The following PACSIN3 variants were observed in gnomAD, a reference collection of about 807,000 sequenced individuals.
The protein encoded by PACSIN3 is protein kinase C and casein kinase substrate in neurons protein 3.
Under a neutral mutation model 56.1 loss-of-function variants are expected in PACSIN3, and 34 were observed. That is an observed-to-expected ratio of 0.61 (90% CI 0.46 to 0.81). The LOEUF is 0.81. Among genes scored for constraint, PACSIN3 ranks in the 30% least tolerant of loss-of-function variants. The pLI is 0.00. For synonymous variants in PACSIN3, 218 were observed against 229.8 expected (o/e 0.95, Z 0.46); for missense variants, 535 against 592.4 (o/e 0.90, Z 1.01).
rs765808197 is a variant in PACSIN3, at chr11:47,182,467, G to A, written c.147C>T (p.Ile49=). 1.0e-5 allele frequency: 16 copies of A among 1,606,788 alleles called. No homozygotes were observed. Among genetic ancestry groups the A allele is most frequent in the South Asian group, 6.6e-5 (6 of 91,072 alleles). ...CCAACTGCTGGGCATAAGCCTTCTC[G>A]ATGCGGGCGCGCTCCTGGAAGCAGC... ...LVSCFQERAR[I]EKAYAQQLAD... is the part of the protein sequence containing the mutation. Residue 49 remains isoleucine, a synonymous_variant, in exon 4 of 11, where the codon ATC becomes ATT. Transcript: ENST00000298838.
rs890051685 is a variant in PACSIN3 at position 47,183,087 on chromosome 11, C to T, written c.-103-18G>A. 1.4e-5 allele frequency: 3 copies of T among 215,072 alleles called. No individual in the cohort carries two copies. The highest frequency in any genetic ancestry group is 1.3e-4 in the South Asian group (1 of 7,740). The allele number at this position is 215,072 out of a possible 1,614,324, so 13.3% of individuals were successfully genotyped here. A position where few individuals can be genotyped will look rare whatever the true frequency, so the allele number is the denominator to read the frequency against. ...GACTCTGCCTTGAAGGAGAACAGAGCGGGGGTGAGGGTGGGGGCCTAGAGC... is the reference window on the plus strand; with the variant it reads ...GACTCTGCCTTGAAGGAGAACAGAGTGGGGGTGAGGGTGGGGGCCTAGAGC... On this transcript the variant is annotated intron_variant, in intron 1 of 10. Transcript: ENST00000298838.
At position 47,178,036 on chromosome 11, in the gene PACSIN3, C is replaced by G. The variant is rs1230536635; in HGVS notation, c.1170G>C (p.Leu390=). 6 of 1,613,620 alleles carry G rather than the reference C, an allele frequency of 3.7e-6. No homozygotes were observed. The highest frequency in any genetic ancestry group is 5.1e-6 in the Non-Finnish European group (6 of 1,179,670). Residue 390 remains leucine, a synonymous_variant, in exon 11 of 11, where the codon CTG becomes CTC. Transcript: ENST00000298838. This position sits in a 1 kb window ranked among gnomAD's most constrained non-coding sequence, Gnocchi z 4.2. The stretch of plus-strand genomic sequence containing the variant: ...GCTCGTCCTCCTCACTCATCTTCAG[C>G]AGCTCCTCCCCTGGGGGAAAGGGGA... ...DELSFRAGEE[L]LKMSEEDEQG...
chr11:47,177,522 T>TG lies in PACSIN3; in HGVS notation c.*408dup, dbSNP rs1952900675. 2 of 191,872 alleles carry TG rather than the reference T, an allele frequency of 1.0e-5. No individual in the cohort carries two copies. Among genetic ancestry groups the TG allele is most frequent in the Non-Finnish European group, 2.1e-5 (2 of 94,024 alleles). The allele number at this position is 191,872 out of a possible 1,614,324, so 11.9% of individuals were successfully genotyped here. ...AAAAAAATGCACATGAGCCCGACAGTGGTGTTTTTGTTTTTGTGTGTGGGT... is the reference window on the plus strand; with the variant it reads ...AAAAAAATGCACATGAGCCCGACAGTGGGTGTTTTTGTTTTTGTGTGTGGGT... On this transcript the variant is annotated 3_prime_UTR_variant, in exon 11 of 11. Transcript: ENST00000298838.
chr11:47,182,000 A>G (rs1412184143), intron 4 of PACSIN3, among the ~76,000 whole-genome samples: 1 of 152,048 alleles, frequency 6.6e-6, no homozygotes, highest in Non-Finnish European at 1.5e-5. Flanking sequence ...TAAAAATACA[A>G]AATTAGCCAG....
Position 47,178,851 on chromosome 11 carries a change from G to A in PACSIN3, c.1037+43C>T, listed in dbSNP as rs79044335. On this transcript the variant is annotated intron_variant, in intron 9 of 10. Coordinates refer to ENST00000298838, the MANE Select transcript of PACSIN3 (RefSeq NM_016223.5). The surrounding 1 kb of genome is among the most constrained non-coding windows in gnomAD (Gnocchi z 4.2). ...AAGGAGAAAGGAAAGGAGGGCGGGA[G>A]GCAGAGCTGTTTCTTTGCCACAGCC... 3.1e-6 allele frequency: 5 copies of A among 1,609,424 alleles called. No individual in the cohort carries two copies. Among genetic ancestry groups the A allele is most frequent in the Non-Finnish European group, 3.4e-6 (4 of 1,177,806 alleles).
Position 47,182,512 on chromosome 11 carries a change from C to T in PACSIN3, c.102G>A (p.Arg34=). 1.2e-6 allele frequency: 2 copies of T among 1,612,632 alleles called. No individual in the cohort carries two copies. Among genetic ancestry groups the T allele is most frequent in the Non-Finnish European group, 1.7e-6 (2 of 1,179,906 alleles). The change falls in exon 4 of 11, where the codon CGG becomes CGA. Residue 34 remains arginine, a synonymous_variant. Transcript: ENST00000298838. ...RTVQRVEDGH[R]LCGDLVSCFQ... ...AGCAGCTGACCAGGTCCCCGCACAGCCGGTGCCCGTCCTCCACCCGCTGTA... is the reference window on the plus strand; with the variant it reads ...AGCAGCTGACCAGGTCCCCGCACAGTCGGTGCCCGTCCTCCACCCGCTGTA...
At chr11:47,182,970 T>G (rs538884970) in intron 2 of PACSIN3, 34 bp downstream of exon 2, 3 of 459,554 alleles carry the variant, frequency 6.5e-6, no homozygotes, top group South Asian at 4.2e-5. Context: ...TTCCTCTCAC[T>G]GCTCTGCACT....
At position 47,180,657 on chromosome 11, in the gene PACSIN3, T is replaced by C. The variant is rs770952417; in HGVS notation, c.245A>G (p.His82Arg). 5.0e-6 allele frequency: 8 copies of C among 1,602,674 alleles called. No individual in the cohort carries two copies. The African/African-American group carries it at 9.3e-5, about 19-fold the overall frequency. The change falls in exon 5 of 11, where the codon CAT becomes CGT. Residue 82 changes from histidine to arginine, a missense_variant. Transcript: ENST00000298838. ...PQYGTLEKAW[H>R]AFFTAAERLS... The stretch of plus-strand genomic sequence containing the variant: ...CCGCTCAGCCGCCGTGAAAAAGGCA[T>C]GCCAGGCCTTCTCCAGTGTGCCATA...
chr11:47,179,948 A>G lies in PACSIN3; in HGVS notation c.603+238T>C, dbSNP rs564253150. 1.6e-4 allele frequency among the ~76,000 whole-genome samples: 24 copies of G among 152,334 alleles called. No homozygotes were observed. Among genetic ancestry groups the G allele is most frequent in the Admixed American group, 7.8e-4 (12 of 15,306 alleles). Reference sequence around the variant, plus strand: ...CGGGCAAAGGGTACTGTGCAAGGAAAAGAGCTGGAAGTTCTCAACTGCTGA... The same window carrying G: ...CGGGCAAAGGGTACTGTGCAAGGAAGAGAGCTGGAAGTTCTCAACTGCTGA... On this transcript the variant is annotated intron_variant, in intron 6 of 10. Transcript: ENST00000298838. The surrounding 1 kb of genome is among the most constrained non-coding windows in gnomAD (Gnocchi z 4.4).
chr11:47,179,120 C>T lies in PACSIN3; in HGVS notation c.900+39G>A, dbSNP rs774374868. ...GCCCTGGCCGAGCTGAGTGGGAGCC[C>T]ATCCCACCTCCCATCCCCACCCCGC... is the stretch of plus-strand genomic sequence containing the variant. On this transcript the variant is annotated intron_variant, in intron 8 of 10. Coordinates refer to ENST00000298838, the MANE Select transcript of PACSIN3 (RefSeq NM_016223.5). The surrounding 1 kb of genome is among the most constrained non-coding windows in gnomAD (Gnocchi z 4.4). 7 of 1,612,928 alleles carry T rather than the reference C, an allele frequency of 4.3e-6. No individual in the cohort carries two copies. The highest frequency in any genetic ancestry group is 5.9e-6 in the Non-Finnish European group (7 of 1,179,584).
At position 47,178,540 on chromosome 11, in the gene PACSIN3, G is replaced by A. The variant is rs1952940647; in HGVS notation, c.1038-53C>T. The A allele has an allele frequency of 6.3e-7, 1 of 1,591,666 alleles. No individual in the cohort carries two copies. Among genetic ancestry groups the A allele is most frequent in the Admixed American group, 1.7e-5 (1 of 57,984 alleles). The stretch of plus-strand genomic sequence containing the variant: ...TCAGAGTGCAAGGAACACGGGGCTG[G>A]AGATCTCACCCAGGATCAGGGCAAA... On this transcript the variant is annotated intron_variant, in intron 9 of 10. Coordinates refer to ENST00000298838, the MANE Select transcript of PACSIN3 (RefSeq NM_016223.5). The surrounding 1 kb of genome is among the most constrained non-coding windows in gnomAD (Gnocchi z 4.2).
rs780823150 is a variant in PACSIN3, at chr11:47,179,481, G to A, written c.709C>T (p.Gln237Ter). Reference sequence around the variant, plus strand: ...ATATCCTTGAAGAAAAGAAGCCGCTGGCGCTCGGCGGCCTGGCAGGTCTCA... The same window carrying A: ...ATATCCTTGAAGAAAAGAAGCCGCTAGCGCTCGGCGGCCTGGCAGGTCTCA... ...AFETCQAAERQRLLFFKDMLL... is the reference protein window; with the variant it reads ...AFETCQAAER The change falls in exon 7 of 11, where the codon CAG becomes TAG. Residue 237 changes from glutamine to a stop codon, truncating the protein, a stop_gained. Transcript: ENST00000298838. LOFTEE classifies it high-confidence loss of function. This position sits in a 1 kb window ranked among gnomAD's most constrained non-coding sequence, Gnocchi z 4.4. The A allele has an allele frequency of 6.2e-7, 1 of 1,614,038 alleles. No homozygotes were observed. The highest frequency in any genetic ancestry group is 1.1e-5 in the South Asian group (1 of 91,086).
Position 47,178,325 on chromosome 11 carries a change from A to C in PACSIN3, c.1159+41T>G. The C allele has an allele frequency of 6.2e-7, 1 of 1,609,402 alleles. No individual in the cohort carries two copies. Among genetic ancestry groups the C allele is most frequent in the Non-Finnish European group, 8.5e-7 (1 of 1,177,452 alleles). On this transcript the variant is annotated intron_variant, in intron 10 of 10. Coordinates refer to ENST00000298838, the MANE Select transcript of PACSIN3 (RefSeq NM_016223.5). This position sits in a 1 kb window ranked among gnomAD's most constrained non-coding sequence, Gnocchi z 4.2. ...CTTTCTGACACCCCTGCTCAGGCAGATAAGGCAGAGGCTGAAGCTAGGAAA... is the reference window on the plus strand; with the variant it reads ...CTTTCTGACACCCCTGCTCAGGCAGCTAAGGCAGAGGCTGAAGCTAGGAAA...
chr11:47,177,862 C>T lies in PACSIN3; in HGVS notation c.*69G>A. The T allele has an allele frequency of 8.1e-7, 1 of 1,235,870 alleles. No homozygotes were observed. The highest frequency in any genetic ancestry group is 1.9e-4 in the Middle Eastern group (1 of 5,290). The allele number at this position is 1,235,870 out of a possible 1,614,324, so 76.6% of individuals were successfully genotyped here. On this transcript the variant is annotated 3_prime_UTR_variant, in exon 11 of 11. Transcript: ENST00000298838. Reference sequence around the variant, plus strand: ...AGCGACGGTTCAGGGCCCTGAGGGTCCGGCTCTCCAGGAGAAGCTGGGCTC... The same window carrying T: ...AGCGACGGTTCAGGGCCCTGAGGGTTCGGCTCTCCAGGAGAAGCTGGGCTC...
In PACSIN3 at chr11:47,179,422, G is replaced by A. The variant is rs1952970669; in HGVS notation, c.768C>T (p.Ser256=). Reference sequence around the variant, plus strand: ...CAGGCAGTTCATACTTCTCACTGCTGGAAAGGTCCAGGTGCTGGTGTAAGG... The same window carrying A: ...CAGGCAGTTCATACTTCTCACTGCTAGAAAGGTCCAGGTGCTGGTGTAAGG... ...LLTLHQHLDL[S]SSEKFHELHR... Residue 256 remains serine (S), a synonymous_variant, in exon 7 of 11, where the codon TCC becomes TCT. Transcript: ENST00000298838. The surrounding 1 kb of genome is among the most constrained non-coding windows in gnomAD (Gnocchi z 4.4). 6.2e-7 allele frequency: 1 copy of A among 1,613,940 alleles called. No individual in the cohort carries two copies. Among genetic ancestry groups the A allele is most frequent in the Non-Finnish European group, 8.5e-7 (1 of 1,180,000 alleles).
At chr11:47,180,758 G>C in intron 4 of PACSIN3, 68 bp from the exon 5 acceptor site, 9 of 1,281,120 alleles carry the variant, frequency 7.0e-6, no homozygotes, top group Non-Finnish European at 9.7e-6. Context: ...CCCTCTCACT[G>C]GGTGTGAGGC....
intron 1 of PACSIN3, chr11:47,183,458 G>T (rs1440004838): frequency 2.0e-5 from 3 of 152,328 alleles, no homozygotes; most frequent in Non-Finnish European, 4.4e-5. Flanking sequence ...ACAAGTGTAT[G>T]TAACTGTCTC....
chr11:47,180,991 A>G lies in PACSIN3; in HGVS notation c.212-301T>C, dbSNP rs566230675. ...ACAACAGGAGCTGAGGGCCGGGCAC[A>G]GTGGCTCACTCCTGTAATCCCAGCA... is the stretch of plus-strand genomic sequence containing the variant. On this transcript the variant is annotated intron_variant, in intron 4 of 10. Transcript: ENST00000298838. Among the ~76,000 whole-genome samples the G allele has an allele frequency of 2.0e-3, 306 of 152,266 alleles. 1 individual carries two copies. The highest frequency in any genetic ancestry group is 2.9e-3 in the South Asian group (14 of 4,830).
In PACSIN3 at chr11:47,179,307, T is replaced by G; in HGVS notation, c.780-28A>C. The G allele has an allele frequency of 6.2e-7, 1 of 1,613,996 alleles. No individual in the cohort carries two copies. The highest frequency in any genetic ancestry group is 2.2e-5 in the East Asian group (1 of 44,878). ...ATGACCCAAGGCACACCCCTCAGTC[T>G]AGGAAGTCTAGACCCTGCATCCCTC... On this transcript the variant is annotated intron_variant, in intron 7 of 10. Coordinates refer to ENST00000298838, the MANE Select transcript of PACSIN3 (RefSeq NM_016223.5). This position sits in a 1 kb window ranked among gnomAD's most constrained non-coding sequence, Gnocchi z 4.4.
Sources: gnomAD v4.1 joint callset for allele counts (sites outside exome capture counted in the v4.1 genomes callset) on GRCh38, gnomAD v4.1.1 for gene constraint, Gnocchi (gnomAD v3.1) non-coding constraint, MANE v1.5 for transcripts, NCBI Gene and HGNC (gene_info 2026-07-23, HGNC 2026-07-21) for gene names.